Variants in SESN1 observed in about 807,000 individuals in gnomAD.
SESN1 encodes the protein sestrin 1.
In SESN1, 30 loss-of-function variants were observed where a neutral mutation model predicts 59.3. That is an observed-to-expected ratio of 0.51 (90% confidence interval 0.38 to 0.69). SESN1 has a LOEUF of 0.69. Among genes scored for constraint, SESN1 ranks in the 30% least tolerant of loss-of-function variants. SESN1 has a pLI of 0.00. For missense variants in SESN1, 566 were observed against 673.0 expected (o/e 0.84, Z 1.76); for synonymous variants, 197 against 219.9 (o/e 0.90, Z 0.92).
chr6:109,026,151 G>A (rs1780088949), intron 1 of SESN1, among the ~76,000 whole-genome samples: 1 of 152,128 alleles, frequency 6.6e-6, no homozygotes, highest in Non-Finnish European at 1.5e-5. Context: ...AAAATATTGA[G>A]AGAAAATATC....
At chr6:109,060,416 G>A (rs1222256912) in intron 1 of SESN1, among the ~76,000 whole-genome samples, 1 of 152,154 alleles carries the variant, frequency 6.6e-6, no homozygotes, top group Non-Finnish European at 1.5e-5. Context: ...GATCTGACAT[G>A]CTTGATTTGA....
intron 1 of SESN1, among the ~76,000 whole-genome samples, chr6:109,026,059 C>A (rs7766248): frequency 2.6e-5 from 4 of 150,982 alleles, no homozygotes; most frequent in African/African-American, 9.7e-5. Context: ...ATCTTAAAGT[C>A]CATGAAAGGG....
At chr6:109,070,422 G>A (rs1780912100) in intron 1 of SESN1, among the ~76,000 whole-genome samples, 1 of 151,408 alleles carries the variant, frequency 6.6e-6, no homozygotes, top group Non-Finnish European at 1.5e-5. Flanking sequence ...CTCAGAAAGT[G>A]GACAGGCAGC....
At position 109,046,720 on chromosome 6, in the gene SESN1, C is replaced by T. The variant is rs374388677; in HGVS notation, c.280-44377G>A. 5.1e-3 allele frequency among the ~76,000 whole-genome samples: 691 copies of T among 134,376 alleles called. 12 individuals are homozygous for T. Among genetic ancestry groups the T allele is most frequent in the East Asian group, 0.018 (80 of 4,398 alleles). 88.2% of individuals were successfully genotyped at this position (134,376 alleles called of 152,430 possible). ...CGCCCATCGTCTGAGATGTGGGGAGCGCCTCTGCCCCGCCGCCCCATCTGG... is the reference window on the plus strand; with the variant it reads ...CGCCCATCGTCTGAGATGTGGGGAGTGCCTCTGCCCCGCCGCCCCATCTGG... On this transcript the variant is annotated intron_variant, in intron 1 of 9. Transcript: ENST00000436639.
chr6:109,021,679 T>C (rs1321114103), intron 1 of SESN1, among the ~76,000 whole-genome samples: 1 of 152,070 alleles, frequency 6.6e-6, no homozygotes, highest in African/African-American at 2.4e-5. Flanking sequence ...TGACCTCAAG[T>C]GATCCGCCCG....
chr6:109,059,389 C>T (rs1334310849), intron 1 of SESN1: 2 of 152,130 alleles, frequency 1.3e-5, no homozygotes, highest in Admixed American at 6.5e-5. Context: ...TCAGAACTAA[C>T]ATGACATGGA....
At chr6:109,070,487 T>C (rs1780913893) in intron 1 of SESN1, among the ~76,000 whole-genome samples, 2 of 132,932 alleles carry the variant, frequency 1.5e-5, no homozygotes, top group African/African-American at 2.9e-5. Context: ...CTATCCTTCA[T>C]AGTGTAGGGG....
chr6:108,990,947 C>T (rs1244149015), intron 7 of SESN1, 112 bp from the exon 8 acceptor site: 3 of 856,280 alleles, frequency 3.5e-6, no homozygotes, highest in Non-Finnish European at 5.3e-6. Context: ...ATCCAACTGG[C>T]TTTTATCCCT....
intron 1 of SESN1, among the ~76,000 whole-genome samples, chr6:109,006,405 T>C (rs947045691): frequency 2.6e-5 from 4 of 152,022 alleles, no homozygotes; most frequent in Admixed American, 2.6e-4. Flanking sequence ...CCCATTAACT[T>C]GTCATTTACA....
At chr6:109,083,990 G>A (rs1166624079) in intron 1 of SESN1, among the ~76,000 whole-genome samples, 1 of 152,116 alleles carries the variant, frequency 6.6e-6, no homozygotes, top group Non-Finnish European at 1.5e-5. Flanking sequence ...AACAGTAAAT[G>A]CTCACTTTTA....
chr6:109,067,527 G>A (rs1780855082), intron 1 of SESN1, among the ~76,000 whole-genome samples: 2 of 152,134 alleles, frequency 1.3e-5, no homozygotes, highest in African/African-American at 2.4e-5. Flanking sequence ...CCATTTCATC[G>A]GCAGAGCCTC....
chr6:109,045,000 G>C (rs905121570), intron 1 of SESN1, among the ~76,000 whole-genome samples: 1 of 151,236 alleles, frequency 6.6e-6, no homozygotes, highest in Non-Finnish European at 1.5e-5. Context: ...TCCATCCTGG[G>C]CAACAAGAGC....
At chr6:109,052,164 T>C (rs895354324) in intron 1 of SESN1, among the ~76,000 whole-genome samples, 1 of 152,194 alleles carries the variant, frequency 6.6e-6, no homozygotes, top group South Asian at 2.1e-4. Flanking sequence ...AAGAAAGGAA[T>C]TGTTGCTTAT....
At chr6:109,088,862 G>A (rs1264272380) in intron 1 of SESN1, among the ~76,000 whole-genome samples, 3 of 152,108 alleles carry the variant, frequency 2.0e-5, no homozygotes, top group African/African-American at 7.2e-5. Flanking sequence ...TAAAAACCCA[G>A]TATAAAGCCT....
At chr6:109,048,828 G>A (rs1780494720) in intron 1 of SESN1, among the ~76,000 whole-genome samples, 1 of 152,076 alleles carries the variant, frequency 6.6e-6, no homozygotes, top group African/African-American at 2.4e-5. Flanking sequence ...ATGTGTTCCT[G>A]CATACCCTGG....
chr6:109,062,911 C>A (rs1780753621), intron 1 of SESN1, among the ~76,000 whole-genome samples: 1 of 152,088 alleles, frequency 6.6e-6, no homozygotes, highest in Non-Finnish European at 1.5e-5. Context: ...CCTCATTATA[C>A]TGTACTGTTG....
chr6:109,057,126 C>T (rs1415963643), intron 1 of SESN1, among the ~76,000 whole-genome samples: 2 of 152,208 alleles, frequency 1.3e-5, no homozygotes, highest in Non-Finnish European at 2.9e-5. Flanking sequence ...CAGAGGACTG[C>T]AGCTCCAGCT....
chr6:109,048,433 AG>A (rs1321446918), intron 1 of SESN1, among the ~76,000 whole-genome samples: 8 of 152,244 alleles, frequency 5.3e-5, no homozygotes, highest in Non-Finnish European at 1.0e-4. Context: ...TACTGTTAAA[AG>A]GTAGTGACTG....
At chr6:109,046,772 G>C (rs12332947) in intron 1 of SESN1, among the ~76,000 whole-genome samples, 28 of 137,262 alleles carry the variant, frequency 2.0e-4, no homozygotes, top group African/African-American at 6.5e-4. Flanking sequence ...CTGCCCGGCC[G>C]AGACCCCGTC....
Sources: allele counts gnomAD v4.1 joint callset (sites outside exome capture counted in the v4.1 genomes callset), GRCh38; gene constraint gnomAD v4.1.1; transcripts MANE v1.5; gene names NCBI Gene and HGNC (gene_info 2026-07-23, HGNC 2026-07-21).